The following BMPR1B variants were observed in gnomAD, a reference collection of about 807,000 sequenced individuals.
BMPR1B encodes bone morphogenetic protein receptor type 1B.
In BMPR1B, 12 loss-of-function variants were observed where a neutral mutation model predicts 59.1. The ratio of observed to expected loss-of-function variants is 0.20; its 90% CI spans 0.13 to 0.33. The LOEUF (loss-of-function observed/expected upper bound fraction) is 0.33, where lower values mean the gene tolerates loss of function less well. BMPR1B is among the 10% of genes least tolerant of loss of function. The pLI is 1.00. For missense variants in BMPR1B, 550 were observed against 610.9 expected, an observed-to-expected ratio of 0.90 and a Z score of 1.05; for synonymous variants, 237 against 207.3, an observed-to-expected ratio of 1.14 and a Z score of -1.23.
At chr4:94,943,452 A>G (rs1159423601) in intron 2 of BMPR1B, among the ~76,000 whole-genome samples, 2 of 152,134 alleles carry the variant, frequency 1.3e-5, no homozygotes, top group African/African-American at 2.4e-5. Flanking sequence ...ACATTTGATA[A>G]TCTACTCAGC....
chr4:94,772,701 G>C (rs1037285474), intron 1 of BMPR1B, among the ~76,000 whole-genome samples: 5 of 151,924 alleles, frequency 3.3e-5, no homozygotes, highest in Admixed American at 3.3e-4. Flanking sequence ...TTCCATTATG[G>C]AAAATTATAT....
At chr4:95,096,283 T>C (rs1730369378) in intron 3 of BMPR1B, among the ~76,000 whole-genome samples, 1 of 151,724 alleles carries the variant, frequency 6.6e-6, no homozygotes, top group Admixed American at 6.6e-5. Flanking sequence ...TGTACATAGC[T>C]AAAAACATGT....
At chr4:95,039,357 T>G (rs944705185) in intron 3 of BMPR1B, among the ~76,000 whole-genome samples, 7 of 152,068 alleles carry the variant, frequency 4.6e-5, no homozygotes, top group Admixed American at 4.6e-4. Flanking sequence ...TAAAGTCTGG[T>G]GTCTCTGTGC....
intron 10 of BMPR1B, among the ~76,000 whole-genome samples, chr4:95,148,043 GA>G (rs146306940): frequency 4.6e-5 from 7 of 150,706 alleles, no homozygotes; most frequent in Non-Finnish European, 7.4e-5. Context: ...TTCTTCCTTT[GA>G]AAAAAAAAGT....
intron 1 of BMPR1B, among the ~76,000 whole-genome samples, chr4:94,762,874 G>A (rs1018962019): frequency 4.0e-5 from 6 of 150,068 alleles, no homozygotes; most frequent in Non-Finnish European, 8.9e-5. Context: ...TTTTTTTTGC[G>A]GGGCTGGGGG....
chr4:94,948,144 C>T (rs1206766193), intron 2 of BMPR1B, among the ~76,000 whole-genome samples: 1 of 152,204 alleles, frequency 6.6e-6, no homozygotes, highest in Non-Finnish European at 1.5e-5. Flanking sequence ...TCCTTAGCTT[C>T]TTCCTGGTCA....
At chr4:94,908,576 G>T (rs1045755699) in intron 2 of BMPR1B, among the ~76,000 whole-genome samples, 1 of 150,866 alleles carries the variant, frequency 6.6e-6, no homozygotes, top group African/African-American at 2.4e-5. Flanking sequence ...CTTTTTTAAG[G>T]GTCTCTGTAC....
At chr4:94,767,202 AC>A (rs1304348693) in intron 1 of BMPR1B, among the ~76,000 whole-genome samples, 1 of 152,192 alleles carries the variant, frequency 6.6e-6, no homozygotes, top group Non-Finnish European at 1.5e-5. Context: ...ATCCAGGGAA[AC>A]CTAAATTATT....
intron 3 of BMPR1B, among the ~76,000 whole-genome samples, chr4:95,014,565 GCT>G (rs1429816216): frequency 6.6e-6 from 1 of 152,102 alleles, no homozygotes; most frequent in African/African-American, 2.4e-5. Context: ...CACTAACCTG[GCT>G]CTGAAATAAG....
chr4:94,873,408 T>TTC (rs373199216), intron 1 of BMPR1B, among the ~76,000 whole-genome samples: 4 of 134,460 alleles, frequency 3.0e-5, no homozygotes, highest in Non-Finnish European at 6.2e-5. Flanking sequence ...AGGCTATGAA[T>TTC]TCTTTTTTTT....
chr4:94,903,063 T>A (rs997562663), intron 2 of BMPR1B, among the ~76,000 whole-genome samples: 1 of 152,064 alleles, frequency 6.6e-6, no homozygotes, highest in African/African-American at 2.4e-5. Context: ...TGAGTGCTTT[T>A]TCATAGCCTG....
chr4:94,837,301 G>T (rs1335521711), intron 1 of BMPR1B, among the ~76,000 whole-genome samples: 2 of 149,510 alleles, frequency 1.3e-5, no homozygotes, highest in Admixed American at 6.7e-5. Flanking sequence ...GTGAAGAAAG[G>T]CATTGGTAGC....
chr4:94,868,245 C>T (rs1467326535), intron 1 of BMPR1B, among the ~76,000 whole-genome samples: 2 of 151,324 alleles, frequency 1.3e-5, no homozygotes, highest in African/African-American at 2.4e-5. Flanking sequence ...CTTAGTTCAC[C>T]TCTACCTCTG....
chr4:94,781,023 A>G (rs1356034728), intron 1 of BMPR1B, among the ~76,000 whole-genome samples: 1 of 152,142 alleles, frequency 6.6e-6, no homozygotes, highest in East Asian at 1.9e-4. Context: ...TATTGTAGTC[A>G]GAATGAAGTA....
At chr4:95,112,024 C>T (rs1341041748) in intron 4 of BMPR1B, among the ~76,000 whole-genome samples, 1 of 152,048 alleles carries the variant, frequency 6.6e-6, no homozygotes, top group African/African-American at 2.4e-5. Context: ...GACTGAATAT[C>T]TTGTGCACTC....
intron 3 of BMPR1B, 58 bp from the exon 4 acceptor site, chr4:95,104,350 C>T (rs1731044958): frequency 1.3e-6 from 2 of 1,572,336 alleles, no homozygotes; most frequent in Non-Finnish European, 1.7e-6. Context: ...TTCGTTTGAA[C>T]AGAAGACTGG....
chr4:95,037,103 T>A (rs578225583), intron 3 of BMPR1B, among the ~76,000 whole-genome samples: 4 of 152,304 alleles, frequency 2.6e-5, no homozygotes, highest in Middle Eastern at 3.4e-3. Flanking sequence ...CCTGTACTCA[T>A]GTCCTAGCTA....
In BMPR1B at chr4:94,842,889, C is replaced by T. The variant is rs531741534; in HGVS notation, c.-182-32942C>T. Among the ~76,000 whole-genome samples the T allele has an allele frequency of 4.1e-5, 6 of 147,288 alleles. No homozygotes were observed. The East Asian group carries it at 5.9e-4, about 15-fold the overall frequency. On this transcript the variant is annotated intron_variant, in intron 1 of 12. Coordinates refer to ENST00000515059, the MANE Select transcript of BMPR1B (RefSeq NM_001203.3). ...TTTAAAATATGATATTTTCATTTTG[C>T]GTATACCTACACATACACACTGTGT...
At chr4:95,102,786 A>G (rs961481732) in intron 3 of BMPR1B, among the ~76,000 whole-genome samples, 1 of 152,150 alleles carries the variant, frequency 6.6e-6, no homozygotes, top group African/African-American at 2.4e-5. Context: ...TATAGAAATA[A>G]TACATGTATT....
Sources: allele counts gnomAD v4.1 joint callset (sites outside exome capture counted in the v4.1 genomes callset), GRCh38; gene constraint gnomAD v4.1.1; transcripts MANE v1.5; gene names NCBI Gene and HGNC (gene_info 2026-07-23, HGNC 2026-07-21).